NDUFS4: variants seen among roughly 807,000 people sequenced by gnomAD.
The protein encoded by NDUFS4 is NADH dehydrogenase [ubiquinone] iron-sulfur protein 4, mitochondrial.
In NDUFS4, 28 loss-of-function variants were observed where a neutral mutation model predicts 24.3. The ratio of observed to expected loss-of-function variants is 1.15; its 90% CI spans 0.85 to 1.58. The LOEUF is 1.58. Among genes scored for constraint, NDUFS4 ranks in the 40% most tolerant of loss-of-function variants. NDUFS4 has a pLI of 0.00. For synonymous variants in NDUFS4, 93 were observed against 69.7 expected, an observed-to-expected ratio of 1.34 and a Z score of -1.67; for missense variants, 223 against 207.9, an observed-to-expected ratio of 1.07 and a Z score of -0.45.
At chr5:53,566,066 G>C (rs1000832416) in intron 1 of NDUFS4, among the ~76,000 whole-genome samples, 5 of 152,252 alleles carry the variant, frequency 3.3e-5, no homozygotes, top group Admixed American at 2.6e-4. Context: ...CCAGCTACTC[G>C]GGAGGCCGAG....
chr5:53,678,228 T>TAA (rs567444658), intron 4 of NDUFS4, among the ~76,000 whole-genome samples: 1 of 152,226 alleles, frequency 6.6e-6, no homozygotes, highest in Non-Finnish European at 1.5e-5. Context: ...CATGGGATGT[T>TAA]AAAGATCACA....
chr5:53,629,119 C>T (rs1751319715), intron 2 of NDUFS4, among the ~76,000 whole-genome samples: 1 of 152,116 alleles, frequency 6.6e-6, no homozygotes, highest in African/African-American at 2.4e-5. Flanking sequence ...CTTATTTCTG[C>T]CTTCATTTTG....
chr5:53,579,440 C>A (rs1199123299), intron 1 of NDUFS4, among the ~76,000 whole-genome samples: 1 of 152,120 alleles, frequency 6.6e-6, no homozygotes, highest in African/African-American at 2.4e-5. Context: ...ACACAGCCAC[C>A]CACCAAATAT....
chr5:53,673,121 A>C (rs891481479), intron 4 of NDUFS4, among the ~76,000 whole-genome samples: 2 of 152,186 alleles, frequency 1.3e-5, no homozygotes, highest in South Asian at 4.1e-4. Flanking sequence ...ATAATTCCCC[A>C]GGAACTTACC....
intron 1 of NDUFS4, among the ~76,000 whole-genome samples, chr5:53,564,773 G>A (rs953476429): frequency 1.2e-4 from 19 of 152,108 alleles, no homozygotes; most frequent in African/African-American, 3.6e-4. Flanking sequence ...CAAGTGATCC[G>A]TGTGCCTTGG....
chr5:53,612,071 C>T lies in NDUFS4; in HGVS notation c.177+8541C>T, dbSNP rs558084446. On this transcript the variant is annotated intron_variant, in intron 2 of 4. Coordinates refer to ENST00000296684, the MANE Select transcript of NDUFS4 (RefSeq NM_002495.4). ...ATATTACTAAGAAAATAGAAAAATACCCTCAGAAAATATAGTAGTTTCAAT... is the reference window on the plus strand; with the variant it reads ...ATATTACTAAGAAAATAGAAAAATATCCTCAGAAAATATAGTAGTTTCAAT... 4.6e-5 allele frequency among the ~76,000 whole-genome samples: 7 copies of T among 151,984 alleles called. No homozygotes were observed. In the East Asian group the frequency reaches 7.7e-4, roughly 17 times the overall value.
At chr5:53,579,649 G>A (rs1208329042) in intron 1 of NDUFS4, among the ~76,000 whole-genome samples, 2 of 152,166 alleles carry the variant, frequency 1.3e-5, no homozygotes, top group Admixed American at 6.5e-5. Flanking sequence ...CTAGAAGTTC[G>A]AGGCTTCAGT....
intron 2 of NDUFS4, among the ~76,000 whole-genome samples, chr5:53,607,216 G>T (rs1750548336): frequency 6.6e-6 from 1 of 152,164 alleles, no homozygotes; most frequent in African/African-American, 2.4e-5. Flanking sequence ...TGTTGCCCAT[G>T]ATACACTTCA....
chr5:53,661,158 A>G (rs931183762), intron 4 of NDUFS4, among the ~76,000 whole-genome samples: 16 of 152,126 alleles, frequency 1.1e-4, no homozygotes, highest in African/African-American at 3.9e-4. Context: ...TCTTTAATCT[A>G]TCTTGAATTA....
At chr5:53,621,240 A>G (rs1187878865) in intron 2 of NDUFS4, among the ~76,000 whole-genome samples, 1 of 152,162 alleles carries the variant, frequency 6.6e-6, no homozygotes, top group African/African-American at 2.4e-5. Flanking sequence ...CGAATTTGAT[A>G]ATAATATATA....
intron 1 of NDUFS4, among the ~76,000 whole-genome samples, chr5:53,594,324 C>G (rs560588558): frequency 6.6e-6 from 1 of 151,986 alleles, no homozygotes; most frequent in Non-Finnish European, 1.5e-5. Flanking sequence ...TCTGGAGTCC[C>G]GTTTGTCTGA....
intron 3 of NDUFS4, among the ~76,000 whole-genome samples, chr5:53,654,917 T>C (rs1224924255): frequency 6.6e-6 from 1 of 152,198 alleles, no homozygotes; most frequent in Non-Finnish European, 1.5e-5. Context: ...AATTCACAAA[T>C]GGTAAGTATC....
intron 4 of NDUFS4, among the ~76,000 whole-genome samples, chr5:53,676,602 A>G (rs898441092): frequency 2.0e-5 from 3 of 152,206 alleles, no homozygotes; most frequent in Non-Finnish European, 1.5e-5. Flanking sequence ...TAAACAGTGA[A>G]ATTACCAAAA....
At chr5:53,602,415 C>G (rs1750354552) in intron 1 of NDUFS4, among the ~76,000 whole-genome samples, 5 of 151,998 alleles carry the variant, frequency 3.3e-5, no homozygotes, top group African/African-American at 2.4e-5. Context: ...AAATAATTGA[C>G]AGATATTTTA....
chr5:53,585,463 G>T (rs551888913), intron 1 of NDUFS4, among the ~76,000 whole-genome samples: 75 of 152,210 alleles, frequency 4.9e-4, no homozygotes, highest in African/African-American at 1.8e-3. Flanking sequence ...GAAAATTTTT[G>T]TGCCGGGCTT....
intron 4 of NDUFS4, among the ~76,000 whole-genome samples, chr5:53,670,192 T>G (rs1752624731): frequency 6.6e-6 from 1 of 152,004 alleles, no homozygotes; most frequent in Admixed American, 6.6e-5. Flanking sequence ...CTAGAGAAGT[T>G]AAGAAAACAA....
chr5:53,580,337 A>G (rs1434502737), intron 1 of NDUFS4, among the ~76,000 whole-genome samples: 1 of 152,244 alleles, frequency 6.6e-6, no homozygotes, highest in Non-Finnish European at 1.5e-5. Context: ...GGACTCAACT[A>G]AAGAAACGGT....
chr5:53,566,353 G>T (rs1486048305), intron 1 of NDUFS4, among the ~76,000 whole-genome samples: 1 of 152,154 alleles, frequency 6.6e-6, no homozygotes, highest in African/African-American at 2.4e-5. Flanking sequence ...TCCCTTGGTA[G>T]AAGTTGAGAA....
chr5:53,582,788 G>A (rs985647414), intron 1 of NDUFS4, among the ~76,000 whole-genome samples: 4 of 152,206 alleles, frequency 2.6e-5, no homozygotes, highest in Non-Finnish European at 5.9e-5. Flanking sequence ...ACAGTACTTA[G>A]CGTGTAATAG....
Sources: allele counts gnomAD v4.1 joint callset (sites outside exome capture counted in the v4.1 genomes callset), GRCh38; gene constraint gnomAD v4.1.1; transcripts MANE v1.5; gene names NCBI Gene and HGNC (gene_info 2026-07-23, HGNC 2026-07-21).